The following TAOK1 variants were observed in gnomAD, a reference collection of about 807,000 sequenced individuals.
TAOK1 encodes the protein TAO kinase 1, also known as serine/threonine-protein kinase TAO1.
In TAOK1, 21 loss-of-function variants were observed where a neutral mutation model predicts 138.3. That is an observed-to-expected ratio of 0.15 (90% CI 0.11 to 0.22). TAOK1 has a LOEUF of 0.22. TAOK1 is among the 10% of genes least tolerant of loss of function. The pLI is 1.00. For synonymous variants in TAOK1, 361 were observed against 398.4 expected (o/e 0.91, Z 1.12); for missense variants, 651 against 1,227.7 (o/e 0.53, Z 7.02).
intron 1 of TAOK1, among the ~76,000 whole-genome samples, chr17:29,427,079 G>A (rs1905664793): frequency 6.6e-6 from 1 of 152,180 alleles, no homozygotes; most frequent in South Asian, 2.1e-4. Context: ...GGAAGGGTGG[G>A]TAGGATTTGT....
chr17:29,536,302 A>G (rs1362745413), intron 19 of TAOK1, among the ~76,000 whole-genome samples: 1 of 146,584 alleles, frequency 6.8e-6, no homozygotes, highest in Non-Finnish European at 1.5e-5. Flanking sequence ...CTGTCTCAAA[A>G]AATAAGATGA....
intron 2 of TAOK1, among the ~76,000 whole-genome samples, chr17:29,462,098 C>G (rs1797270068): frequency 6.6e-6 from 1 of 152,148 alleles, no homozygotes; most frequent in African/African-American, 2.4e-5. Flanking sequence ...TATAGACTAT[C>G]TAAAGGAAGG....
intron 1 of TAOK1, among the ~76,000 whole-genome samples, chr17:29,406,289 T>G (rs1827583751): frequency 6.6e-6 from 1 of 152,006 alleles, no homozygotes; most frequent in African/African-American, 2.4e-5. Context: ...TTTATTTAAC[T>G]GTTATACAGG....
Position 29,426,308 on chromosome 17 carries a change from G to A in TAOK1, c.-94-25147G>A, listed in dbSNP as rs554894650. Reference sequence around the variant, plus strand: ...TCTGCAGAGAGCGTATTGTTCCAGGGTAGGAAATCAATGGAGAAAATAAAT... The same window carrying A: ...TCTGCAGAGAGCGTATTGTTCCAGGATAGGAAATCAATGGAGAAAATAAAT... On this transcript the variant is annotated intron_variant, in intron 1 of 19. Coordinates refer to ENST00000261716, the MANE Select transcript of TAOK1 (RefSeq NM_020791.4). Among the ~76,000 whole-genome samples the A allele has an allele frequency of 2.0e-5, 3 of 152,278 alleles. No homozygotes were observed. The South Asian group carries it at 6.2e-4, about 32-fold the overall frequency.
intron 13 of TAOK1, among the ~76,000 whole-genome samples, chr17:29,505,294 A>G (rs1412331404): frequency 1.3e-5 from 2 of 152,166 alleles, no homozygotes; most frequent in African/African-American, 4.8e-5. Context: ...TTACAATTCT[A>G]TACACCTGCC....
intron 19 of TAOK1, among the ~76,000 whole-genome samples, chr17:29,539,050 G>T (rs2032270475): frequency 6.6e-6 from 1 of 152,054 alleles, no homozygotes; most frequent in East Asian, 1.9e-4. Context: ...TGGTGCTCAG[G>T]AGTTTGAGAC....
chr17:29,477,844 A>T (rs2030979798), intron 5 of TAOK1, 138 bp downstream of exon 5: 1 of 404,244 alleles, frequency 2.5e-6, no homozygotes, highest in Admixed American at 4.7e-5. Flanking sequence ...TCAAATTCTC[A>T]GCATGGTATA....
rs1242349226 is a variant in TAOK1 at position 29,545,086 on chromosome 17, T to C, written c.*2064T>C. 1 of 152,216 alleles carries C rather than the reference T, an allele frequency of 6.6e-6. No homozygotes were observed. The highest frequency in any genetic ancestry group is 2.4e-5 in the African/African-American group (1 of 41,456). The allele number at this position is 152,216 out of a possible 1,614,324, so 9.4% of individuals were successfully genotyped here. A position where few individuals can be genotyped will look rare whatever the true frequency, so the allele number is the denominator to read the frequency against. On this transcript the variant is annotated 3_prime_UTR_variant, in exon 20 of 20. Transcript: ENST00000261716. The stretch of plus-strand genomic sequence containing the variant: ...TCACCATAGAGTTCACACAAAATTT[T>C]AGGCAGTGTTTCAAGAAGCACTCTT...
intron 1 of TAOK1, among the ~76,000 whole-genome samples, chr17:29,419,973 G>A (rs919009697): frequency 5.3e-5 from 8 of 151,806 alleles, no homozygotes; most frequent in Non-Finnish European, 8.8e-5. Flanking sequence ...TCAACCTCCC[G>A]GGCTCAATTG....
intron 1 of TAOK1, among the ~76,000 whole-genome samples, chr17:29,413,881 CTTTTTT>C (rs34539579): frequency 9.9e-6 from 1 of 101,250 alleles, no homozygotes; most frequent in Non-Finnish European, 1.9e-5. Flanking sequence ...TTTCTGGCTT[CTTTTTT>C]TTTTTTTTTT....
rs1206076101 is a variant in TAOK1, at chr17:29,550,938, G to GT, written c.*7921dup. On this transcript the variant is annotated 3_prime_UTR_variant, in exon 20 of 20. Transcript: ENST00000261716. ...ATTATTTGTGCAAATGCCAGGGTTG[G>GT]TTTTTATTTTTATTTTTGCTATTTA... 6.6e-6 allele frequency: 1 copy of GT among 151,758 alleles called. No homozygotes were observed. The highest frequency in any genetic ancestry group is 2.4e-5 in the African/African-American group (1 of 41,090). The allele number at this position is 151,758 out of a possible 1,614,324, so 9.4% of individuals were successfully genotyped here.
chr17:29,456,663 C>T (rs1200493296), intron 2 of TAOK1, among the ~76,000 whole-genome samples: 1 of 150,556 alleles, frequency 6.6e-6, no homozygotes, highest in Non-Finnish European at 1.5e-5. Context: ...ATCTGAAACA[C>T]TTCTGGTCCC....
At chr17:29,413,194 T>C (rs1490863150) in intron 1 of TAOK1, among the ~76,000 whole-genome samples, 4 of 152,098 alleles carry the variant, frequency 2.6e-5, no homozygotes, top group Non-Finnish European at 5.9e-5. Context: ...GTCTGCCTTA[T>C]AAAAAGGGAA....
intron 2 of TAOK1, among the ~76,000 whole-genome samples, chr17:29,466,488 G>C (rs2153025608): frequency 6.6e-6 from 1 of 152,224 alleles, no homozygotes; most frequent in African/African-American, 2.4e-5. Context: ...TTAATGCCCT[G>C]TAAAATTTGG....
rs972208248 is a variant in TAOK1, at chr17:29,534,074, A to G, written c.2362-44A>G. Reference sequence around the variant, plus strand: ...CATAGGTCATGAATTGATAGCTAACATTAGGATATATCTTTTTTTTTTCTC... The same window carrying G: ...CATAGGTCATGAATTGATAGCTAACGTTAGGATATATCTTTTTTTTTTCTC... On this transcript the variant is annotated intron_variant, in intron 18 of 19. Coordinates refer to ENST00000261716, the MANE Select transcript of TAOK1 (RefSeq NM_020791.4). 17 of 1,540,100 alleles carry G rather than the reference A, an allele frequency of 1.1e-5. No homozygotes were observed. In the Admixed American group the frequency reaches 2.7e-4, roughly 24 times the overall value.
intron 1 of TAOK1, among the ~76,000 whole-genome samples, chr17:29,407,343 G>A (rs1369138506): frequency 6.6e-6 from 1 of 152,088 alleles, no homozygotes; most frequent in East Asian, 1.9e-4. Context: ...GCTTTTAACA[G>A]TAGGTGTCTC....
Position 29,427,575 on chromosome 17 carries a change from T to A in TAOK1, c.-94-23880T>A, listed in dbSNP as rs568827144. On this transcript the variant is annotated intron_variant, in intron 1 of 19. Transcript: ENST00000261716. ...AAATGCTTTAGAGATCTTATTTGAG[T>A]TAGGAGTGATGTATCTGTTAGGGTT... is the stretch of plus-strand genomic sequence containing the variant. 2.7e-5 allele frequency among the ~76,000 whole-genome samples: 4 copies of A among 148,232 alleles called. No individual in the cohort carries two copies. In the South Asian group the frequency reaches 8.5e-4, roughly 32 times the overall value.
chr17:29,404,274 T>C (rs910158390), intron 1 of TAOK1, among the ~76,000 whole-genome samples: 43 of 152,126 alleles, frequency 2.8e-4, no homozygotes, highest in African/African-American at 9.9e-4. Context: ...GTGATCCTCC[T>C]GCCTCAGCCC....
At position 29,480,068 on chromosome 17, in the gene TAOK1, C is replaced by T. The variant is rs868114481; in HGVS notation, c.450-300C>T. The T allele has an allele frequency of 7.7e-5, 14 of 182,084 alleles. No individual in the cohort carries two copies. The Middle Eastern group carries it at 6.8e-3, about 89-fold the overall frequency. 11.3% of individuals were successfully genotyped at this position (182,084 alleles called of 1,614,324 possible). A position where few individuals can be genotyped will look rare whatever the true frequency, so the allele number is the denominator to read the frequency against. ...GCTAATTGCAATATATTTTAAAAAC[C>T]ATTGTTTCTACCAATAAACAGAAAC... On this transcript the variant is annotated intron_variant, in intron 6 of 19. Coordinates refer to ENST00000261716, the MANE Select transcript of TAOK1 (RefSeq NM_020791.4).
Sources: gnomAD v4.1 joint callset for allele counts (sites outside exome capture counted in the v4.1 genomes callset) on GRCh38, gnomAD v4.1.1 for gene constraint, MANE v1.5 for transcripts, NCBI Gene and HGNC (gene_info 2026-07-23, HGNC 2026-07-21) for gene names.